Variants in SCLT1 observed in about 807,000 individuals in gnomAD.
SCLT1 encodes sodium channel-associated protein 1.
SCLT1 carries 78 observed loss-of-function variants against 112.8 expected under a neutral mutation model. That is an observed-to-expected ratio of 0.69 (90% CI 0.58 to 0.83). The LOEUF is 0.83. Among genes scored for constraint, SCLT1 ranks in the 40% least tolerant of loss-of-function variants. The pLI is 0.00. For missense variants in SCLT1, 747 were observed against 770.4 expected (o/e 0.97, Z 0.36); for synonymous variants, 257 against 254.7 (o/e 1.01, Z -0.09).
chr4:129,015,667 C>T (rs1165933744), intron 5 of SCLT1, among the ~76,000 whole-genome samples: 1 of 152,176 alleles, frequency 6.6e-6, no homozygotes, highest in African/African-American at 2.4e-5. Context: ...GGAATCTCTC[C>T]CTGCCAACTC....
intron 9 of SCLT1, among the ~76,000 whole-genome samples, chr4:128,981,040 G>C (rs1325924474): frequency 6.6e-6 from 1 of 152,098 alleles, no homozygotes; most frequent in Admixed American, 6.6e-5. Context: ...TTGAGCACCT[G>C]CCATATGTCT....
intron 14 of SCLT1, 35 bp downstream of exon 14, chr4:128,952,734 T>C (rs748333588): frequency 1.8e-6 from 2 of 1,102,152 alleles, no homozygotes; most frequent in East Asian, 2.4e-5. Flanking sequence ...AAATAAGTAA[T>C]ATTTGGAAGA....
chr4:128,895,408 T>G, intron 18 of SCLT1, among the ~76,000 whole-genome samples: 1 of 152,212 alleles, frequency 6.6e-6, no homozygotes, highest in East Asian at 1.9e-4. Context: ...AAAAGGAACC[T>G]TCCACACTTC....
intron 2 of SCLT1, among the ~76,000 whole-genome samples, chr4:129,075,054 C>A (rs1010270064): frequency 1.3e-5 from 2 of 151,972 alleles, no homozygotes; most frequent in Non-Finnish European, 2.9e-5. Context: ...GATGGTGTAT[C>A]ACAGAAAAAA....
chr4:129,022,343 T>A (rs1579733017), intron 5 of SCLT1, among the ~76,000 whole-genome samples: 1 of 152,026 alleles, frequency 6.6e-6, no homozygotes, highest in African/African-American at 2.4e-5. Context: ...ATAAAAAAAC[T>A]CCTCTGCGTT....
In SCLT1 at chr4:128,884,766, T is replaced by A. The variant is rs75118239; in HGVS notation, c.2005-227A>T. Among the ~76,000 whole-genome samples the A allele has an allele frequency of 5.6e-3, 851 of 152,266 alleles. 14 individuals are homozygous for A. Among genetic ancestry groups the A allele is most frequent in the African/African-American group, 0.019 (797 of 41,554 alleles). On this transcript the variant is annotated intron_variant, in intron 20 of 20. Transcript: ENST00000281142. ...GCCTTGACCTCCCAGGATCAAGTGA[T>A]CCTTCTACTTCAGCCTCTTCAGTAG...
intron 2 of SCLT1, among the ~76,000 whole-genome samples, chr4:129,077,374 A>G (rs1182619431): frequency 9.9e-5 from 15 of 152,158 alleles, no homozygotes; most frequent in Admixed American, 9.8e-4. Flanking sequence ...ATGGCACCCA[A>G]TGTAAGGACT....
intron 18 of SCLT1, among the ~76,000 whole-genome samples, chr4:128,935,184 G>A (rs1026093271): frequency 4.6e-5 from 7 of 151,122 alleles, no homozygotes; most frequent in African/African-American, 1.7e-4. Context: ...TTTTTTTGTT[G>A]TTAGTTCTTT....
intron 13 of SCLT1, among the ~76,000 whole-genome samples, chr4:128,956,297 G>C (rs1739209331): frequency 1.3e-5 from 2 of 151,954 alleles, no homozygotes; most frequent in African/African-American, 4.8e-5. Flanking sequence ...ATCATTAAAA[G>C]TATAAAGTTT....
chr4:129,047,818 C>T lies in SCLT1; in HGVS notation c.103-3767G>A, dbSNP rs1048074346. ...AGATGTCTATTCAGCTCATTTGCTC[C>T]TTTTTTAATTAGATTCTTCTTTTAA... On this transcript the variant is annotated intron_variant, in intron 2 of 20. Transcript: ENST00000281142. Among the ~76,000 whole-genome samples, 3 of 152,034 alleles carry T rather than the reference C, an allele frequency of 2.0e-5. No individual in the cohort carries two copies. In the East Asian group the frequency reaches 5.8e-4, roughly 29 times the overall value.
intron 14 of SCLT1, among the ~76,000 whole-genome samples, chr4:128,950,039 T>A (rs1448913820): frequency 6.6e-6 from 1 of 152,146 alleles, no homozygotes; most frequent in Non-Finnish European, 1.5e-5. Flanking sequence ...TTAAACCTGT[T>A]ACAAATCAGT....
At chr4:129,067,743 C>A (rs1229846779) in intron 2 of SCLT1, among the ~76,000 whole-genome samples, 1 of 151,928 alleles carries the variant, frequency 6.6e-6, no homozygotes, top group South Asian at 2.1e-4. Context: ...AACTCCTGAC[C>A]TCAAGCGATC....
chr4:128,887,562 G>C (rs1732979712), intron 20 of SCLT1, among the ~76,000 whole-genome samples: 1 of 152,038 alleles, frequency 6.6e-6, no homozygotes, highest in Non-Finnish European at 1.5e-5. Context: ...AATTTGATTT[G>C]TTTTTGTTTT....
chr4:129,026,256 A>T (rs141215196), intron 5 of SCLT1, among the ~76,000 whole-genome samples: 2 of 152,060 alleles, frequency 1.3e-5, no homozygotes, highest in African/African-American at 4.8e-5. Flanking sequence ...CATTATTTTC[A>T]GCACCACACC....
chr4:128,910,946 G>A (rs1735046982), intron 18 of SCLT1, among the ~76,000 whole-genome samples: 1 of 151,694 alleles, frequency 6.6e-6, no homozygotes, highest in Non-Finnish European at 1.5e-5. Flanking sequence ...TTCCCACAGA[G>A]GTTTGTTGAT....
chr4:128,948,910 T>C (rs1279746812), intron 14 of SCLT1, among the ~76,000 whole-genome samples: 1 of 152,114 alleles, frequency 6.6e-6, no homozygotes, highest in African/African-American at 2.4e-5. Context: ...TAGAACCAGA[T>C]AGTGGCACAA....
intron 14 of SCLT1, among the ~76,000 whole-genome samples, chr4:128,949,558 T>C (rs1411282692): frequency 2.6e-5 from 4 of 152,006 alleles, no homozygotes; most frequent in African/African-American, 7.3e-5. Flanking sequence ...GTCCCTGGTG[T>C]GTGATGTTCC....
intron 5 of SCLT1, among the ~76,000 whole-genome samples, chr4:129,034,046 A>C (rs190829033): frequency 6.6e-6 from 1 of 152,194 alleles, no homozygotes; most frequent in Admixed American, 6.5e-5. Context: ...TAATCCCAGA[A>C]ATTTCTTTTC....
At chr4:128,968,608 A>C (rs781448073) in intron 10 of SCLT1, among the ~76,000 whole-genome samples, 1 of 152,092 alleles carries the variant, frequency 6.6e-6, no homozygotes, top group Non-Finnish European at 1.5e-5. Context: ...CCTCCCCCAC[A>C]AGTATAGGTC....
Sources: allele counts gnomAD v4.1 joint callset (sites outside exome capture counted in the v4.1 genomes callset), GRCh38; gene constraint gnomAD v4.1.1; transcripts MANE v1.5; gene names NCBI Gene and HGNC (gene_info 2026-07-23, HGNC 2026-07-21).